CCDC172: variants seen among roughly 807,000 people sequenced by gnomAD.
The protein encoded by CCDC172 is coiled-coil domain containing 172.
CCDC172 carries 30 observed loss-of-function variants against 38.0 expected under a neutral mutation model. The ratio of observed to expected loss-of-function variants is 0.79; its 90% CI spans 0.59 to 1.07. The LOEUF is 1.07. Ranked by LOEUF, CCDC172 falls within the 50% of genes least tolerant of loss-of-function variation. The pLI, the probability that CCDC172 is intolerant of heterozygous loss-of-function variation, is 0.00. For synonymous variants in CCDC172, 78 were observed against 88.3 expected (o/e 0.88, Z 0.66); for missense variants, 297 against 290.1 (o/e 1.02, Z -0.17).
rs767565170 is a variant in CCDC172, at chr10:116,357,876, A to G, written c.591A>G (p.Lys197=). ...AGAATGAATCCATTTGTACTACCAAATATCTAGAGGCAGAAAAAATAAAAA... is the reference window on the plus strand; with the variant it reads ...AGAATGAATCCATTTGTACTACCAAGTATCTAGAGGCAGAAAAAATAAAAA... ...DEENESICTT[K]YLEAEKIKIS... The change falls in exon 7 of 9, where the codon AAA becomes AAG. Residue 197 remains lysine (K), a synonymous_variant. Transcript: ENST00000333254. The G allele has an allele frequency of 3.8e-6, 6 of 1,567,768 alleles. No individual in the cohort carries two copies. In the South Asian group the frequency reaches 5.9e-5, roughly 15 times the overall value.
intron 3 of CCDC172, among the ~76,000 whole-genome samples, chr10:116,330,560 C>A (rs1844648455): frequency 6.6e-6 from 1 of 152,028 alleles, no homozygotes; most frequent in Admixed American, 6.6e-5. Flanking sequence ...TGCAACTAAC[C>A]TTTAAGGAGC....
intron 5 of CCDC172, among the ~76,000 whole-genome samples, chr10:116,345,100 A>C (rs1411003632): frequency 6.6e-6 from 1 of 152,210 alleles, no homozygotes; most frequent in African/African-American, 2.4e-5. Flanking sequence ...TGTGATTTCA[A>C]AATTTACTCA....
At chr10:116,338,130 C>T (rs1844752125) in intron 3 of CCDC172, among the ~76,000 whole-genome samples, 1 of 152,136 alleles carries the variant, frequency 6.6e-6, no homozygotes, top group Non-Finnish European at 1.5e-5. Flanking sequence ...CTAGCTTCTG[C>T]AACCTTGATC....
intron 3 of CCDC172, among the ~76,000 whole-genome samples, chr10:116,337,170 T>TA (rs1844742487): frequency 1.3e-5 from 2 of 151,404 alleles, no homozygotes; most frequent in African/African-American, 4.9e-5. Flanking sequence ...TTTTTTTTTT[T>TA]AAACAAGAGT....
chr10:116,344,486 A>G (rs1844839329), intron 5 of CCDC172, among the ~76,000 whole-genome samples: 1 of 152,176 alleles, frequency 6.6e-6, no homozygotes, highest in South Asian at 2.1e-4. Flanking sequence ...ATGATTTTAA[A>G]AATCTCTATA....
intron 5 of CCDC172, among the ~76,000 whole-genome samples, chr10:116,350,869 C>G (rs868110083): frequency 6.6e-6 from 1 of 151,872 alleles, no homozygotes; most frequent in Admixed American, 6.6e-5. Flanking sequence ...AAAGTGATTG[C>G]CACATCAATT....
chr10:116,325,175 G>A, intron 2 of CCDC172, 85 bp downstream of exon 2: 2 of 1,519,716 alleles, frequency 1.3e-6, no homozygotes, highest in South Asian at 2.3e-5. Context: ...GAAGGCAGTG[G>A]TCAGAGCCGT....
intron 3 of CCDC172, among the ~76,000 whole-genome samples, chr10:116,336,412 T>C (rs910354016): frequency 6.6e-6 from 1 of 151,336 alleles, no homozygotes. Flanking sequence ...TGTAAAGCCT[T>C]ATAAGCCATT....
chr10:116,354,871 G>C (rs1341946550), intron 5 of CCDC172, among the ~76,000 whole-genome samples: 3 of 152,182 alleles, frequency 2.0e-5, no homozygotes, highest in Non-Finnish European at 2.9e-5. Context: ...TCCCACCCTT[G>C]TGTAGGCCTA....
At chr10:116,350,477 G>C (rs1344146584) in intron 5 of CCDC172, among the ~76,000 whole-genome samples, 1 of 152,158 alleles carries the variant, frequency 6.6e-6, no homozygotes, top group Non-Finnish European at 1.5e-5. Context: ...TGAGAAACTA[G>C]AAATGTGGAA....
intron 5 of CCDC172, among the ~76,000 whole-genome samples, chr10:116,355,443 CT>C (rs1439300170): frequency 6.6e-6 from 1 of 152,062 alleles, no homozygotes; most frequent in Non-Finnish European, 1.5e-5. Flanking sequence ...TGATGATGTT[CT>C]CACAACAACA....
chr10:116,368,443 T>TA (rs569769896), intron 7 of CCDC172, among the ~76,000 whole-genome samples: 5 of 151,532 alleles, frequency 3.3e-5, no homozygotes, highest in East Asian at 3.9e-4. Context: ...ATTTCTCCTT[T>TA]AAAAAAAAAT....
chr10:116,341,565 A>G (rs1207050787), intron 4 of CCDC172, among the ~76,000 whole-genome samples: 2 of 152,042 alleles, frequency 1.3e-5, no homozygotes, highest in Non-Finnish European at 2.9e-5. Flanking sequence ...TGAAGTGAAT[A>G]TATAATTTTG....
intron 8 of CCDC172, among the ~76,000 whole-genome samples, 187 bp downstream of exon 8, chr10:116,378,697 G>C (rs1215964952): frequency 1.3e-5 from 2 of 152,048 alleles, no homozygotes; most frequent in African/African-American, 2.4e-5. Flanking sequence ...TAGAGAGTTA[G>C]GTGCTACATG....
At chr10:116,374,666 G>A (rs1235637727) in intron 7 of CCDC172, among the ~76,000 whole-genome samples, 1 of 151,832 alleles carries the variant, frequency 6.6e-6, no homozygotes, top group Non-Finnish European at 1.5e-5. Flanking sequence ...AAGTCCAAAA[G>A]CAGGTAGAAA....
chr10:116,343,660 A>G (rs1844828557), intron 5 of CCDC172, among the ~76,000 whole-genome samples: 1 of 151,814 alleles, frequency 6.6e-6, no homozygotes, highest in Admixed American at 6.6e-5. Context: ...CACTGTGTTC[A>G]TGTAAATACA....
chr10:116,338,502 T>G (rs1468679753), intron 3 of CCDC172, among the ~76,000 whole-genome samples: 1 of 152,072 alleles, frequency 6.6e-6, no homozygotes. Flanking sequence ...ACATAAAATT[T>G]TAGGGAAGAG....
At chr10:116,377,988 C>T (rs796594021) in intron 7 of CCDC172, among the ~76,000 whole-genome samples, 28 of 152,214 alleles carry the variant, frequency 1.8e-4, no homozygotes, top group Admixed American at 5.2e-4. Context: ...TAAGACCAGC[C>T]TAGCCAACAT....
At chr10:116,376,778 T>C (rs1845250659) in intron 7 of CCDC172, among the ~76,000 whole-genome samples, 1 of 152,154 alleles carries the variant, frequency 6.6e-6, no homozygotes, top group Admixed American at 6.6e-5. Context: ...ACTCAATAGT[T>C]ACAGGAAGAA....
Sources: allele counts gnomAD v4.1 joint callset (sites outside exome capture counted in the v4.1 genomes callset), GRCh38; gene constraint gnomAD v4.1.1; transcripts MANE v1.5; gene names NCBI Gene and HGNC (gene_info 2026-07-23, HGNC 2026-07-21).